SPATA16: variants seen among roughly 807,000 people sequenced by gnomAD.
SPATA16 encodes the protein spermatogenesis associated 16.
Under a neutral mutation model 63.3 loss-of-function variants are expected in SPATA16, and 36 were observed. The observed-to-expected ratio is 0.57, with a 90% CI of 0.44 to 0.75. The LOEUF (loss-of-function observed/expected upper bound fraction) is 0.75. SPATA16 is among the 30% of genes least tolerant of loss of function. SPATA16 has a pLI of 0.00. For missense variants in SPATA16, 646 were observed against 679.3 expected, an observed-to-expected ratio of 0.95 and a Z score of 0.54; for synonymous variants, 203 against 216.7, an observed-to-expected ratio of 0.94 and a Z score of 0.56.
chr3:173,105,219 G>A (rs1737590357), intron 2 of SPATA16, among the ~76,000 whole-genome samples: 1 of 152,144 alleles, frequency 6.6e-6, no homozygotes, highest in African/African-American at 2.4e-5. Flanking sequence ...TTGGCATCCT[G>A]AACACATAGT....
chr3:173,032,021 T>C (rs184942519), intron 3 of SPATA16, among the ~76,000 whole-genome samples: 1 of 152,228 alleles, frequency 6.6e-6, no homozygotes, highest in East Asian at 1.9e-4. Context: ...TAGCAGAGTA[T>C]GTTTTTGCAA....
chr3:172,998,567 C>T (rs951099880), intron 4 of SPATA16, among the ~76,000 whole-genome samples: 1 of 152,092 alleles, frequency 6.6e-6, no homozygotes, highest in African/African-American at 2.4e-5. Flanking sequence ...CTAAGACTTC[C>T]AGTGACATAT....
chr3:173,046,123 A>G (rs931496833), intron 3 of SPATA16, among the ~76,000 whole-genome samples: 6 of 152,094 alleles, frequency 3.9e-5, no homozygotes, highest in Admixed American at 2.6e-4. Context: ...AGGATTTTTA[A>G]TCTTGATAAG....
At chr3:173,071,449 G>A (rs1289424377) in intron 2 of SPATA16, among the ~76,000 whole-genome samples, 1 of 152,032 alleles carries the variant, frequency 6.6e-6, no homozygotes, top group African/African-American at 2.4e-5. Flanking sequence ...AAGGAAAAAT[G>A]GGCAAATGGG....
intron 2 of SPATA16, among the ~76,000 whole-genome samples, chr3:173,049,367 C>G (rs568472555): frequency 1.3e-5 from 2 of 152,128 alleles, no homozygotes; most frequent in South Asian, 4.1e-4. Context: ...AAAATCCTTC[C>G]TGTAAAATAT....
intron 4 of SPATA16, among the ~76,000 whole-genome samples, chr3:172,998,547 A>G (rs898213108): frequency 2.0e-5 from 3 of 152,054 alleles, no homozygotes; most frequent in Non-Finnish European, 4.4e-5. Flanking sequence ...TTCTTGTCTT[A>G]TTGTATTAGC....
At chr3:173,126,033 TGTAGCATCCTGA>T (rs747492841) in intron 1 of SPATA16, among the ~76,000 whole-genome samples, 5,615 of 152,256 alleles carry the variant, frequency 0.037, 161 homozygotes, top group Non-Finnish European at 0.051. Flanking sequence ...CTCTAGGCGC[TGTAGCATCCTGA>T]TTCTTTTTTC....
In SPATA16 at chr3:173,042,474, C is replaced by T. The variant is rs770501764; in HGVS notation, c.758+6475G>A. On this transcript the variant is annotated intron_variant, in intron 3 of 10. Transcript: ENST00000351008. Reference sequence around the variant, plus strand: ...CCTCCTGACCTCAGCGATCCACCCCCCTTGGCCTCCCAAAGTGTTGGCATT... The same window carrying T: ...CCTCCTGACCTCAGCGATCCACCCCTCTTGGCCTCCCAAAGTGTTGGCATT... 3.3e-5 allele frequency among the ~76,000 whole-genome samples: 5 copies of T among 152,238 alleles called. 1 individual carries two copies. The highest frequency in any genetic ancestry group is 2.6e-4 in the Admixed American group (4 of 15,284).
chr3:172,915,782 C>T (rs1732470289), intron 9 of SPATA16, among the ~76,000 whole-genome samples: 3 of 152,066 alleles, frequency 2.0e-5, no homozygotes, highest in Non-Finnish European at 4.4e-5. Flanking sequence ...AAAAAAACCC[C>T]ATCTATTTTG....
intron 2 of SPATA16, among the ~76,000 whole-genome samples, chr3:173,088,484 A>G (rs1410399563): frequency 2.6e-5 from 4 of 151,408 alleles, no homozygotes; most frequent in African/African-American, 9.8e-5. Context: ...CATATTTTAT[A>G]TGGAATTTTT....
At chr3:172,998,323 A>T (rs1175029780) in intron 4 of SPATA16, among the ~76,000 whole-genome samples, 4 of 152,110 alleles carry the variant, frequency 2.6e-5, no homozygotes, top group African/African-American at 9.7e-5. Context: ...TAATGTAATG[A>T]TTTTAACTTC....
At chr3:173,108,207 C>G (rs1235868864) in intron 2 of SPATA16, among the ~76,000 whole-genome samples, 2 of 152,098 alleles carry the variant, frequency 1.3e-5, no homozygotes, top group Non-Finnish European at 2.9e-5. Flanking sequence ...CACACACTAT[C>G]TAACCACTGG....
rs561324657 is a variant in SPATA16 at position 172,988,204 on chromosome 3, G to A, written c.849-11152C>T. ...TATACACTGTGGTGAGGTTGTCAAG[G>A]CAGCCTACAAACATCTGTTTTAAAC... On this transcript the variant is annotated intron_variant, in intron 4 of 10. Transcript: ENST00000351008. 2.3e-4 allele frequency among the ~76,000 whole-genome samples: 35 copies of A among 152,210 alleles called. No homozygotes were observed. The South Asian group carries it at 2.7e-3, about 12-fold the overall frequency.
At chr3:172,895,577 C>G (rs34643423) in intron 10 of SPATA16, among the ~76,000 whole-genome samples, 67,879 of 152,004 alleles carry the variant, frequency 0.45, 17,838 homozygotes, top group South Asian at 0.67. Context: ...CTCAAGTTTT[C>G]TGCTTGCGTC....
chr3:173,024,676 G>A (rs187182731), intron 3 of SPATA16, among the ~76,000 whole-genome samples: 3 of 150,586 alleles, frequency 2.0e-5, no homozygotes, highest in African/African-American at 4.8e-5. Context: ...TTATGAAATC[G>A]TATACTAAAA....
intron 5 of SPATA16, among the ~76,000 whole-genome samples, chr3:172,962,125 C>T (rs886664992): frequency 5.9e-5 from 9 of 151,702 alleles, no homozygotes; most frequent in African/African-American, 1.5e-4. Flanking sequence ...TGGTGGTGAG[C>T]GCCTGTAATA....
At chr3:172,964,144 G>A (rs1437313719) in intron 5 of SPATA16, among the ~76,000 whole-genome samples, 1 of 152,126 alleles carries the variant, frequency 6.6e-6, no homozygotes, top group Admixed American at 6.6e-5. Flanking sequence ...AAGTAAGACT[G>A]TTTTGTCCAC....
Position 173,117,215 on chromosome 3 carries a change from C to G in SPATA16, c.517G>C (p.Asp173His), listed in dbSNP as rs1193969805. Residue 173 changes from aspartate (D) to histidine (H), a missense_variant, in exon 2 of 11, where the codon GAC becomes CAC. Asp to His is a moderately conservative substitution (Grantham distance 81). Transcript: ENST00000351008. The part of the protein sequence containing the change: ...VHNFSFLPQI[D>H]KWLQVALKDA... ...TTTAAGGCTACCTGAAGCCATTTGT[C>G]AATCTGAGGCAGAAAGCTGAAATTA... 6.2e-7 allele frequency: 1 copy of G among 1,614,126 alleles called. No homozygotes were observed. Among genetic ancestry groups the G allele is most frequent in the South Asian group, 1.1e-5 (1 of 91,066 alleles).
intron 4 of SPATA16, among the ~76,000 whole-genome samples, chr3:172,997,750 G>T (rs1734723593): frequency 6.6e-6 from 1 of 152,024 alleles, no homozygotes; most frequent in Non-Finnish European, 1.5e-5. Context: ...TTAGATCTGT[G>T]ATCCATTTTG....
Sources: gnomAD v4.1 joint callset for allele counts (sites outside exome capture counted in the v4.1 genomes callset) on GRCh38, gnomAD v4.1.1 for gene constraint, MANE v1.5 for transcripts, NCBI Gene and HGNC (gene_info 2026-07-23, HGNC 2026-07-21) for gene names.